Variants in GPR183 observed in about 807,000 individuals in gnomAD.
The protein encoded by GPR183 is EBV-induced G-protein coupled receptor 2.
In GPR183, 9 loss-of-function variants were observed where a neutral mutation model predicts 19.7. That is an observed-to-expected ratio of 0.46 (90% CI 0.28 to 0.80). The LOEUF is 0.80. Ranked by LOEUF, GPR183 falls within the 30% of genes least tolerant of loss-of-function variation. GPR183 has a pLI of 0.13. For missense variants in GPR183, 368 were observed against 446.7 expected (o/e 0.82, Z 1.59); for synonymous variants, 160 against 155.1 (o/e 1.03, Z -0.24).
chr13:99,300,249 T>G (rs2044238988), intron 1 of GPR183, among the ~76,000 whole-genome samples: 1 of 152,132 alleles, frequency 6.6e-6, no homozygotes, highest in Non-Finnish European at 1.5e-5. Flanking sequence ...GCACTGGAGG[T>G]GGCCAAAGAA....
rs1157508935 is a variant in GPR183 at position 99,296,252 on chromosome 13, A to C, written c.-18-89T>G. On this transcript the variant is annotated intron_variant, in intron 1 of 1. Coordinates refer to ENST00000376414, the MANE Select transcript of GPR183 (RefSeq NM_004951.5). ...AGTTTTAAAAAAGTTTAAATAATGT[A>C]TCAAAGCAATCCAAACTGTCTTTTA... 2.8e-6 allele frequency: 3 copies of C among 1,061,750 alleles called. No individual in the cohort carries two copies. The African/African-American group carries it at 4.8e-5, about 17-fold the overall frequency. The allele number at this position is 1,061,750 out of a possible 1,614,324, so 65.8% of individuals were successfully genotyped here.
intron 1 of GPR183, among the ~76,000 whole-genome samples, chr13:99,298,580 T>TATACAAACAGAAAAAATATACAAAC (rs2044211300): frequency 6.6e-6 from 1 of 152,090 alleles, no homozygotes; most frequent in African/African-American, 2.4e-5. Context: ...TTCAAGAAGC[T>TATACAAACAGAAAAAATATACAAAC]AGAAAAGAAC....
intron 1 of GPR183, among the ~76,000 whole-genome samples, chr13:99,305,981 C>A (rs1212029816): frequency 6.6e-6 from 1 of 152,086 alleles, no homozygotes; most frequent in Non-Finnish European, 1.5e-5. Flanking sequence ...CTGCAACCTC[C>A]GCCTCCCAGG....
chr13:99,295,889 G>A lies in GPR183; in HGVS notation c.257C>T (p.Thr86Ile). 2 of 1,611,954 alleles carry A rather than the reference G, an allele frequency of 1.2e-6. No individual in the cohort carries two copies. The highest frequency in any genetic ancestry group is 1.7e-4 in the Middle Eastern group (1 of 6,050). Reference protein sequence around the residue: ...SDILFTTALPTRIAYYAMGFD... With the variant: ...SDILFTTALPIRIAYYAMGFD... ...GCCCATTGCATAGTAGGCTATTCGT[G>A]TAGGCAAAGCGGTGGTAAAAAGTAT... Residue 86 changes from threonine (T) to isoleucine (I), a missense_variant, in exon 2 of 2, where the codon ACA becomes ATA. By Grantham distance (89) the Thr-to-Ile change is moderately conservative. Coordinates refer to ENST00000376414, the MANE Select transcript of GPR183 (RefSeq NM_004951.5). This position sits in a 1 kb window ranked among gnomAD's most constrained non-coding sequence, Gnocchi z 4.1.
At chr13:99,303,278 C>T (rs2044282899) in intron 1 of GPR183, among the ~76,000 whole-genome samples, 3 of 152,248 alleles carry the variant, frequency 2.0e-5, no homozygotes, top group African/African-American at 7.2e-5. Context: ...TATATGTGTC[C>T]TGAACCCAGT....
intron 1 of GPR183, among the ~76,000 whole-genome samples, chr13:99,305,528 C>G (rs1390747743): frequency 6.6e-6 from 1 of 152,084 alleles, no homozygotes; most frequent in Non-Finnish European, 1.5e-5. Context: ...ACATTTTATC[C>G]TATAGAATGC....
chr13:99,306,174 G>T (rs1172946808), intron 1 of GPR183, among the ~76,000 whole-genome samples: 1 of 152,130 alleles, frequency 6.6e-6, no homozygotes, highest in Non-Finnish European at 1.5e-5. Flanking sequence ...GGGATTACAG[G>T]AGTGAGCCAC....
At chr13:99,296,222 T>A in intron 1 of GPR183, 59 bp from the exon 2 acceptor site, 1 of 1,380,726 alleles carries the variant, frequency 7.2e-7, no homozygotes, top group Non-Finnish European at 9.7e-7. Context: ...GTTTGATTAC[T>A]CATTAGTTTT....
chr13:99,305,440 A>C (rs2138743208), intron 1 of GPR183, among the ~76,000 whole-genome samples: 1 of 152,350 alleles, frequency 6.6e-6, no homozygotes, highest in Admixed American at 6.5e-5. Context: ...AGAGAAAAGT[A>C]TCCCTGTAAA....
intron 1 of GPR183, among the ~76,000 whole-genome samples, chr13:99,297,597 G>C (rs987062566): frequency 6.6e-6 from 1 of 151,958 alleles, no homozygotes; most frequent in Non-Finnish European, 1.5e-5. Flanking sequence ...AGTGTTGATA[G>C]GTTAGTCATT....
At chr13:99,303,312 C>T (rs190778711) in intron 1 of GPR183, among the ~76,000 whole-genome samples, 190 of 152,358 alleles carry the variant, frequency 1.2e-3, no homozygotes, top group African/African-American at 4.3e-3. Flanking sequence ...AGACCCACTT[C>T]GGCTTCATAG....
In GPR183 at chr13:99,295,460, T is replaced by C; in HGVS notation, c.686A>G (p.Gln229Arg). Residue 229 changes from glutamine (Q) to arginine (R), a missense_variant, in exon 2 of 2, where the codon CAA becomes CGA. Gln to Arg is a conservative substitution (Grantham distance 43, BLOSUM62 1). Transcript: ENST00000376414. The surrounding 1 kb of genome is among the most constrained non-coding windows in gnomAD (Gnocchi z 4.1). ...ACCAGATTTCTCAGTGAGTGGGTTTTGTTTGGCAGTTCTGAAGAGTTTGCA... is the reference window on the plus strand; with the variant it reads ...ACCAGATTTCTCAGTGAGTGGGTTTCGTTTGGCAGTTCTGAAGAGTTTGCA... ...ICCKLFRTAKQNPLTEKSGVN... is the reference protein window; with the variant it reads ...ICCKLFRTAKRNPLTEKSGVN... The C allele has an allele frequency of 6.2e-7, 1 of 1,614,058 alleles. No individual in the cohort carries two copies. The highest frequency in any genetic ancestry group is 1.1e-5 in the South Asian group (1 of 91,080).
intron 1 of GPR183, among the ~76,000 whole-genome samples, chr13:99,300,696 A>G (rs2044245378): frequency 6.6e-6 from 1 of 152,130 alleles, no homozygotes; most frequent in South Asian, 2.1e-4. Flanking sequence ...ACCTTTTTGT[A>G]TTAGAGGGTC....
chr13:99,296,984 A>G (rs778176350), intron 1 of GPR183, among the ~76,000 whole-genome samples: 1 of 152,188 alleles, frequency 6.6e-6, no homozygotes, highest in African/African-American at 2.4e-5. Context: ...TTTATTCACC[A>G]AACATCTTCA....
chr13:99,300,134 C>T (rs1204626410), intron 1 of GPR183, among the ~76,000 whole-genome samples: 5 of 152,194 alleles, frequency 3.3e-5, no homozygotes, highest in Non-Finnish European at 7.3e-5. Context: ...GCAGGGGGTG[C>T]CCACTTCCAG....
At chr13:99,305,347 C>G (rs2044316905) in intron 1 of GPR183, among the ~76,000 whole-genome samples, 1 of 151,702 alleles carries the variant, frequency 6.6e-6, no homozygotes. Context: ...GATAAACCCC[C>G]CAGACTGGAG....
In GPR183 at chr13:99,295,845, C is replaced by T. The variant is rs1470823243; in HGVS notation, c.301G>A (p.Asp101Asn). ...YAMGFDWRIG[D>N]ALCRITALVF... Reference sequence around the variant, plus strand: ...AGCGCAGTTATCCTACACAAGGCATCTCCGATTCTCCAGTCAAAGCCCATT... The same window carrying T: ...AGCGCAGTTATCCTACACAAGGCATTTCCGATTCTCCAGTCAAAGCCCATT... The change falls in exon 2 of 2, where the codon GAT becomes AAT. Residue 101 changes from aspartate (D) to asparagine (N), a missense_variant. Coordinates refer to ENST00000376414, the MANE Select transcript of GPR183 (RefSeq NM_004951.5). The surrounding 1 kb of genome is among the most constrained non-coding windows in gnomAD (Gnocchi z 4.1). The T allele has an allele frequency of 1.9e-6, 3 of 1,605,362 alleles. No individual in the cohort carries two copies. Among genetic ancestry groups the T allele is most frequent in the Non-Finnish European group, 1.7e-6 (2 of 1,174,464 alleles).
Position 99,295,959 on chromosome 13 carries a change from T to G in GPR183, c.187A>C (p.Ile63Leu). The change falls in exon 2 of 2, where the codon ATC (isoleucine) becomes CTC (leucine). Residue 63 changes from isoleucine (I) to leucine (L), a missense_variant. Physicochemically the swap from Ile to Leu is conservative, Grantham distance 5 (BLOSUM62 2). Transcript: ENST00000376414. The surrounding 1 kb of genome is among the most constrained non-coding windows in gnomAD (Gnocchi z 4.1). ...GTTGAATAGAGGGTGGTAGAGTTGATTTTTTTCCTGTTTTGAACAATGACG... is the reference window on the plus strand; with the variant it reads ...GTTGAATAGAGGGTGGTAGAGTTGAGTTTTTTCCTGTTTTGAACAATGACG... ...LVVIVQNRKK[I>L]NSTTLYSTNL... 3 of 1,613,566 alleles carry G rather than the reference T, an allele frequency of 1.9e-6. No homozygotes were observed. The highest frequency in any genetic ancestry group is 2.5e-6 in the Non-Finnish European group (3 of 1,179,504).
In GPR183 at chr13:99,301,604, A is replaced by G. The variant is rs536146201; in HGVS notation, c.-18-5441T>C. On this transcript the variant is annotated intron_variant, in intron 1 of 1. Coordinates refer to ENST00000376414, the MANE Select transcript of GPR183 (RefSeq NM_004951.5). ...TCATCTCATTTTTGCATAACCGGAC[A>G]TGTTGACATGAACTGACAGGTTCTT... 2.6e-5 allele frequency among the ~76,000 whole-genome samples: 4 copies of G among 152,280 alleles called. No individual in the cohort carries two copies. In the East Asian group the frequency reaches 7.7e-4, roughly 29 times the overall value.
Sources: gnomAD v4.1 joint callset for allele counts (sites outside exome capture counted in the v4.1 genomes callset) on GRCh38, gnomAD v4.1.1 for gene constraint, Gnocchi (gnomAD v3.1) non-coding constraint, MANE v1.5 for transcripts, NCBI Gene and HGNC (gene_info 2026-07-23, HGNC 2026-07-21) for gene names.